The following SEMA5A variants were observed in gnomAD, a reference collection of about 807,000 sequenced individuals.
SEMA5A encodes semaphorin-5A.
SEMA5A carries 55 observed loss-of-function variants against 135.5 expected under a neutral mutation model. The observed-to-expected ratio is 0.41, with a 90% confidence interval of 0.33 to 0.51. SEMA5A has a LOEUF of 0.51. Ranked by LOEUF, SEMA5A falls within the 20% of genes least tolerant of loss-of-function variation. The pLI, the probability that SEMA5A is intolerant of heterozygous loss-of-function variation, is 0.37. For missense variants in SEMA5A, 1,290 were observed against 1,419.9 expected, an observed-to-expected ratio of 0.91 and a Z score of 1.47; for synonymous variants, 580 against 546.5, an observed-to-expected ratio of 1.06 and a Z score of -0.85.
At chr5:9,321,019 G>A (rs1461290255) in intron 4 of SEMA5A, among the ~76,000 whole-genome samples, 1 of 152,136 alleles carries the variant, frequency 6.6e-6, no homozygotes, top group African/African-American at 2.4e-5. Context: ...TGTCCAGGGA[G>A]GGGCCTAGTA....
intron 5 of SEMA5A, among the ~76,000 whole-genome samples, chr5:9,288,870 A>T (rs1009795981): frequency 5.9e-5 from 9 of 152,236 alleles, no homozygotes; most frequent in Non-Finnish European, 1.5e-5. Flanking sequence ...AGTAGAAATG[A>T]GGACACACAA....
At chr5:9,370,951 T>C (rs999100863) in intron 3 of SEMA5A, among the ~76,000 whole-genome samples, 3 of 152,222 alleles carry the variant, frequency 2.0e-5, no homozygotes, top group African/African-American at 4.8e-5. Flanking sequence ...ATTTAATGCT[T>C]AGAAAGATTA....
intron 3 of SEMA5A, among the ~76,000 whole-genome samples, chr5:9,377,831 T>C (rs538799872): frequency 6.6e-5 from 10 of 152,246 alleles, no homozygotes; most frequent in African/African-American, 2.4e-4. Flanking sequence ...AGAAGACCTG[T>C]GGGCACCTTT....
At chr5:9,219,890 T>A (rs1746836445) in intron 8 of SEMA5A, among the ~76,000 whole-genome samples, 1 of 152,144 alleles carries the variant, frequency 6.6e-6, no homozygotes, top group African/African-American at 2.4e-5. Context: ...ATCGCATCTG[T>A]GGACTAAGTC....
intron 13 of SEMA5A, among the ~76,000 whole-genome samples, chr5:9,126,033 C>G (rs1271069104): frequency 6.6e-6 from 1 of 152,112 alleles, no homozygotes; most frequent in African/African-American, 2.4e-5. Flanking sequence ...TTTTGACTGT[C>G]AAAAGCATGT....
At chr5:9,315,345 T>C (rs951487904) in intron 5 of SEMA5A, among the ~76,000 whole-genome samples, 1 of 152,190 alleles carries the variant, frequency 6.6e-6, no homozygotes, top group Non-Finnish European at 1.5e-5. Flanking sequence ...TCTTTTAGCA[T>C]GCTTTTCCAA....
At chr5:9,517,274 T>G (rs1237987314) in intron 1 of SEMA5A, 2 of 152,222 alleles carry the variant, frequency 1.3e-5, no homozygotes, top group Non-Finnish European at 2.9e-5. Flanking sequence ...AAGTTTAAAT[T>G]CATGTGGTCT....
At chr5:9,166,799 T>C (rs1052734664) in intron 11 of SEMA5A, among the ~76,000 whole-genome samples, 4 of 152,198 alleles carry the variant, frequency 2.6e-5, no homozygotes, top group Non-Finnish European at 5.9e-5. Flanking sequence ...TTCTAAACTC[T>C]CATCTAACCC....
chr5:9,208,263 C>G (rs988582053), intron 8 of SEMA5A, among the ~76,000 whole-genome samples: 1 of 122,812 alleles, frequency 8.1e-6, no homozygotes, highest in African/African-American at 3.1e-5. Context: ...TTCCGTATAT[C>G]AAATTAAGAT....
intron 3 of SEMA5A, among the ~76,000 whole-genome samples, chr5:9,346,749 C>T (rs1022755722): frequency 1.3e-5 from 2 of 152,186 alleles, no homozygotes; most frequent in Admixed American, 1.3e-4. Flanking sequence ...TGCACACTCC[C>T]TCCCACAGGA....
chr5:9,424,689 T>G (rs7724626), intron 2 of SEMA5A, among the ~76,000 whole-genome samples: 109,991 of 151,958 alleles, frequency 0.72, 40,167 homozygotes, highest in Middle Eastern at 0.82. Context: ...CTCAGTAAGT[T>G]GTCCACCATC....
intron 6 of SEMA5A, among the ~76,000 whole-genome samples, chr5:9,236,454 T>C (rs1248039738): frequency 6.6e-6 from 1 of 152,152 alleles, no homozygotes; most frequent in Non-Finnish European, 1.5e-5. Context: ...AACCCCCACA[T>C]TGAGACTCAA....
At chr5:9,494,886 A>G (rs144188508) in intron 1 of SEMA5A, among the ~76,000 whole-genome samples, 18 of 152,334 alleles carry the variant, frequency 1.2e-4, no homozygotes, top group African/African-American at 3.8e-4. Context: ...TATGCTTTCC[A>G]AAGTATCTGG....
chr5:9,288,324 T>A (rs1304071415), intron 5 of SEMA5A, among the ~76,000 whole-genome samples: 2 of 152,154 alleles, frequency 1.3e-5, no homozygotes, highest in African/African-American at 4.8e-5. Context: ...CAGGTGGGTG[T>A]GGCTGCTGCG....
At chr5:9,126,609 G>A (rs998537299) in intron 13 of SEMA5A, among the ~76,000 whole-genome samples, 2 of 151,524 alleles carry the variant, frequency 1.3e-5, no homozygotes, top group Non-Finnish European at 2.9e-5. Context: ...GAGGAGAACA[G>A]AAAGAAATTC....
intron 5 of SEMA5A, among the ~76,000 whole-genome samples, chr5:9,266,522 T>C (rs1311513811): frequency 6.6e-6 from 1 of 152,222 alleles, no homozygotes; most frequent in Non-Finnish European, 1.5e-5. Flanking sequence ...TAATGTAATT[T>C]CAGGCTAAAT....
At position 9,167,645 on chromosome 5, in the gene SEMA5A, C is replaced by T. The variant is rs141214728; in HGVS notation, c.1274-12950G>A. Among the ~76,000 whole-genome samples, 146 of 152,322 alleles carry T rather than the reference C, an allele frequency of 9.6e-4. 1 individual carries two copies. The highest frequency in any genetic ancestry group is 3.3e-3 in the African/African-American group (138 of 41,568). ...AGAGCCAGCTCTCAGGCCTCTGGTC[C>T]GGGTGGAGTGGGAACCTTTTCTCAC... On this transcript the variant is annotated intron_variant, in intron 11 of 22. Coordinates refer to ENST00000382496, the MANE Select transcript of SEMA5A (RefSeq NM_003966.3).
chr5:9,258,299 T>G (rs1160388551), intron 5 of SEMA5A, among the ~76,000 whole-genome samples: 3 of 152,200 alleles, frequency 2.0e-5, no homozygotes, highest in African/African-American at 7.2e-5. Flanking sequence ...TACTATGCAA[T>G]GAACATCTTG....
intron 16 of SEMA5A, among the ~76,000 whole-genome samples, chr5:9,094,754 G>A (rs751094666): frequency 6.4e-4 from 98 of 152,108 alleles, no homozygotes; most frequent in Non-Finnish European, 9.8e-4. Flanking sequence ...GGGCAATTTC[G>A]TGGGATTAGG....
Sources: gnomAD v4.1 joint callset for allele counts (sites outside exome capture counted in the v4.1 genomes callset) on GRCh38, gnomAD v4.1.1 for gene constraint, MANE v1.5 for transcripts, NCBI Gene and HGNC (gene_info 2026-07-23, HGNC 2026-07-21) for gene names.